The following BANP variants were observed in gnomAD, a reference collection of about 807,000 sequenced individuals.
BANP encodes the protein protein BANP.
In BANP, 11 loss-of-function variants were observed where a neutral mutation model predicts 68.1. That is an observed-to-expected ratio of 0.16 (90% confidence interval 0.10 to 0.27). The LOEUF (loss-of-function observed/expected upper bound fraction) is 0.27, where lower values mean the gene tolerates loss of function less well. Among genes scored for constraint, BANP ranks in the 10% least tolerant of loss-of-function variants. The pLI is 1.00. For synonymous variants in BANP, 329 were observed against 303.2 expected (o/e 1.09, Z -0.88); for missense variants, 504 against 722.7 (o/e 0.70, Z 3.47).
In BANP at chr16:87,982,279, C is replaced by T. The variant is rs187029585; in HGVS notation, c.162+1152C>T. Among the ~76,000 whole-genome samples the T allele has an allele frequency of 6.2e-3, 945 of 152,276 alleles. 4 individuals carry two copies. The highest frequency in any genetic ancestry group is 8.9e-3 in the Non-Finnish European group (604 of 68,020). ...CCACTGTTGAGAAGAGGGTGGGCCC[C>T]CGGTTGAATGTGACTTGCGTAGAGT... On this transcript the variant is annotated intron_variant, in intron 3 of 13. Transcript: ENST00000682872.
intron 1 of BANP, among the ~76,000 whole-genome samples, chr16:87,962,487 G>A (rs1326963560): frequency 6.6e-6 from 1 of 152,126 alleles, no homozygotes; most frequent in East Asian, 1.9e-4. Context: ...GCTTTAGAAT[G>A]GTGAAGAGGA....
intron 11 of BANP, among the ~76,000 whole-genome samples, chr16:88,041,018 G>T (rs578102709): frequency 6.6e-6 from 1 of 152,330 alleles, no homozygotes; most frequent in South Asian, 2.1e-4. Context: ...CCCTCTTCCG[G>T]CCATCCGTTT....
chr16:88,005,216 TG>T (rs1371121922), intron 5 of BANP, among the ~76,000 whole-genome samples: 2 of 152,182 alleles, frequency 1.3e-5, no homozygotes, highest in African/African-American at 4.8e-5. Context: ...CAGGGTCAGC[TG>T]TGCCTCAGGG....
At position 88,065,287 on chromosome 16, in the gene BANP, C is replaced by T; in HGVS notation, c.1332C>T (p.Ile444=). The T allele has an allele frequency of 1.3e-6, 1 of 767,712 alleles. No individual in the cohort carries two copies. The allele number at this position is 767,712 out of a possible 1,614,324, so 47.6% of individuals were successfully genotyped here. Residue 444 remains isoleucine (I), a synonymous_variant, in exon 12 of 14, where the codon ATC becomes ATT. Coordinates refer to ENST00000682872, the MANE Select transcript of BANP (RefSeq NM_001386991.1). The part of the protein sequence containing the change: ...QDGQLLEATR[I]PCLLAPSVFK... The stretch of plus-strand genomic sequence containing the variant: ...TCCAGCTTCTAGAGGCCACCCGCAT[C>T]CCCTGCCTCCTGGCCCCATCCGTCT...
At chr16:88,072,334 G>A in intron 13 of BANP, 122 bp downstream of exon 13, 1 of 1,165,996 alleles carries the variant, frequency 8.6e-7, no homozygotes, top group Non-Finnish European at 1.2e-6. Flanking sequence ...CACGTGATTG[G>A]ACACAGATGC....
At chr16:87,971,962 T>A (rs1369195477) in intron 1 of BANP, among the ~76,000 whole-genome samples, 2 of 152,046 alleles carry the variant, frequency 1.3e-5, no homozygotes, top group Non-Finnish European at 2.9e-5. Context: ...CCAGTTAATT[T>A]AAAAAATATT....
intron 8 of BANP, among the ~76,000 whole-genome samples, chr16:88,030,627 G>A (rs181089301): frequency 6.6e-6 from 1 of 152,376 alleles, no homozygotes; most frequent in African/African-American, 2.4e-5. Flanking sequence ...TTAATGAGCT[G>A]AAATGTCACA....
intron 4 of BANP, among the ~76,000 whole-genome samples, chr16:87,995,268 G>A (rs1241594793): frequency 1.3e-5 from 2 of 152,212 alleles, no homozygotes; most frequent in Admixed American, 1.3e-4. Flanking sequence ...TGGCCTGGGG[G>A]TTTTTGGGGG....
At chr16:87,998,207 C>T (rs929786797) in intron 4 of BANP, among the ~76,000 whole-genome samples, 7 of 152,188 alleles carry the variant, frequency 4.6e-5, no homozygotes, top group African/African-American at 1.4e-4. Flanking sequence ...AACAGAAGGA[C>T]CCCTGTACAG....
intron 11 of BANP, among the ~76,000 whole-genome samples, chr16:88,046,548 A>T (rs1464003643): frequency 1.3e-5 from 2 of 151,652 alleles, no homozygotes; most frequent in Non-Finnish European, 2.9e-5. Context: ...AAATGTTTTT[A>T]ATTTTTATTT....
chr16:87,987,583 T>A (rs1029059810), intron 4 of BANP, among the ~76,000 whole-genome samples: 1 of 151,032 alleles, frequency 6.6e-6, no homozygotes, highest in South Asian at 2.1e-4. Context: ...AAAAATTAGC[T>A]GGGCACAGTG....
At chr16:88,052,434 G>A (rs1322366300) in intron 11 of BANP, among the ~76,000 whole-genome samples, 3 of 150,592 alleles carry the variant, frequency 2.0e-5, no homozygotes, top group African/African-American at 7.3e-5. Flanking sequence ...TTTTGGAGAT[G>A]AAGACAGTAG....
chr16:88,074,481 G>T (rs890235489), intron 13 of BANP, among the ~76,000 whole-genome samples: 2 of 152,230 alleles, frequency 1.3e-5, no homozygotes, highest in South Asian at 4.1e-4. Context: ...ATGCGCGGTG[G>T]CCTGTGGGTG....
At chr16:88,073,084 C>T (rs1216627712) in intron 13 of BANP, among the ~76,000 whole-genome samples, 2 of 152,204 alleles carry the variant, frequency 1.3e-5, no homozygotes, top group Admixed American at 6.5e-5. Context: ...CCCTGCTCCC[C>T]GGGCACTGCT....
intron 4 of BANP, among the ~76,000 whole-genome samples, chr16:87,988,749 T>C (rs983806443): frequency 3.3e-5 from 5 of 152,200 alleles, no homozygotes; most frequent in African/African-American, 1.2e-4. Context: ...CTCTGAGTTG[T>C]GACGAGGCCC....
At chr16:87,979,019 G>C (rs918608955) in intron 2 of BANP, among the ~76,000 whole-genome samples, 1 of 152,164 alleles carries the variant, frequency 6.6e-6, no homozygotes, top group Non-Finnish European at 1.5e-5. Flanking sequence ...CCTTGGCTTT[G>C]GATGATTTCC....
chr16:88,022,368 T>C (rs1415982230), intron 7 of BANP, among the ~76,000 whole-genome samples: 1 of 152,228 alleles, frequency 6.6e-6, no homozygotes, highest in Admixed American at 6.5e-5. Flanking sequence ...AATGCTGCTG[T>C]GGATGGCCGA....
chr16:87,954,707 C>T (rs143806353), intron 1 of BANP, among the ~76,000 whole-genome samples: 164 of 152,376 alleles, frequency 1.1e-3, no homozygotes, highest in Admixed American at 2.0e-3. Context: ...TGGAGCCCCA[C>T]GCCTGTGCCC....
At chr16:88,049,885 C>G (rs1409711162) in intron 11 of BANP, among the ~76,000 whole-genome samples, 2 of 152,214 alleles carry the variant, frequency 1.3e-5, no homozygotes, top group African/African-American at 4.8e-5. Flanking sequence ...TTTCCTCCTC[C>G]CTCTGATTTC....
Sources: gnomAD v4.1 joint callset for allele counts (sites outside exome capture counted in the v4.1 genomes callset) on GRCh38, gnomAD v4.1.1 for gene constraint, MANE v1.5 for transcripts, NCBI Gene and HGNC (gene_info 2026-07-23, HGNC 2026-07-21) for gene names.